CFAP100: variants seen among roughly 807,000 people sequenced by gnomAD.
CFAP100 encodes cilia- and flagella-associated protein 100.
A neutral mutation model predicts 81.5 loss-of-function variants in CFAP100; 70 were observed. That is an observed-to-expected ratio of 0.86 (90% CI 0.71 to 1.05). The LOEUF (loss-of-function observed/expected upper bound fraction) is 1.05. Among genes scored for constraint, CFAP100 ranks in the 50% least tolerant of loss-of-function variants. The pLI, the probability that CFAP100 is intolerant of heterozygous loss-of-function variation, is 0.00. For missense variants in CFAP100, 811 were observed against 776.5 expected (o/e 1.04, Z -0.53); for synonymous variants, 341 against 314.8 (o/e 1.08, Z -0.88).
chr3:126,398,299 A>G (rs2082919913), intron 2 of CFAP100, among the ~76,000 whole-genome samples: 1 of 152,206 alleles, frequency 6.6e-6, no homozygotes, highest in South Asian at 2.1e-4. Context: ...TGGACTTGTC[A>G]GGAGAGGGCC....
At chr3:126,430,009 T>C (rs532484438) in intron 13 of CFAP100, among the ~76,000 whole-genome samples, 2 of 152,362 alleles carry the variant, frequency 1.3e-5, no homozygotes, top group East Asian at 3.9e-4. Context: ...TCTGCAAGAT[T>C]TCTGGTGAGA....
At chr3:126,400,238 A>G (rs1370639041) in intron 2 of CFAP100, among the ~76,000 whole-genome samples, 1 of 152,192 alleles carries the variant, frequency 6.6e-6, no homozygotes, top group African/African-American at 2.4e-5. Flanking sequence ...TTCTCAAAAG[A>G]CGATATGCAA....
In CFAP100 at chr3:126,418,599, G is replaced by C. The variant is rs1239638962; in HGVS notation, c.487-12G>C. The C allele has an allele frequency of 6.2e-7, 1 of 1,610,744 alleles. No individual in the cohort carries two copies. Among genetic ancestry groups the C allele is most frequent in the Non-Finnish European group, 8.5e-7 (1 of 1,178,384 alleles). The stretch of plus-strand genomic sequence containing the variant: ...GGGCCAGGCACCATGACCCCACTCT[G>C]CTGGCCCCCAGTATGCCCTGGATGT... On this transcript the variant is annotated splice_polypyrimidine_tract_variant and intron_variant, in intron 6 of 16. Transcript: ENST00000352312.
At chr3:126,423,074 G>C (rs2083357579) in intron 11 of CFAP100, among the ~76,000 whole-genome samples, 1 of 152,212 alleles carries the variant, frequency 6.6e-6, no homozygotes, top group Non-Finnish European at 1.5e-5. Flanking sequence ...GACAGGTCTG[G>C]AACATGGTTT....
At chr3:126,400,150 A>G (rs1344695009) in intron 2 of CFAP100, among the ~76,000 whole-genome samples, 2 of 152,226 alleles carry the variant, frequency 1.3e-5, no homozygotes, top group African/African-American at 4.8e-5. Context: ...GAATATAGAA[A>G]GAAATCCTAA....
At chr3:126,422,928 G>A (rs1375533515) in intron 11 of CFAP100, among the ~76,000 whole-genome samples, 4 of 152,126 alleles carry the variant, frequency 2.6e-5, no homozygotes, top group African/African-American at 9.7e-5. Context: ...GGGCAGAGGG[G>A]CTGGGGAAGG....
At chr3:126,403,946 T>C (rs1417747648) in intron 2 of CFAP100, among the ~76,000 whole-genome samples, 1 of 152,202 alleles carries the variant, frequency 6.6e-6, no homozygotes, top group Non-Finnish European at 1.5e-5. Flanking sequence ...GGAAAATGAA[T>C]GATAAAGTCA....
intron 4 of CFAP100, chr3:126,414,437 G>T (rs2083202909): frequency 1.6e-6 from 1 of 621,850 alleles, no homozygotes; most frequent in South Asian, 1.9e-5. Flanking sequence ...GGCTGCTGTG[G>T]CAACAGCCTC....
At chr3:126,409,728 G>A (rs534751578) in intron 3 of CFAP100, among the ~76,000 whole-genome samples, 4 of 152,324 alleles carry the variant, frequency 2.6e-5, no homozygotes, top group African/African-American at 7.2e-5. Context: ...ATGATTCTGT[G>A]TTGGGACGTA....
chr3:126,432,928 A>G, intron 13 of CFAP100, 141 bp from the exon 14 acceptor site: 1 of 752,848 alleles, frequency 1.3e-6, no homozygotes, highest in Non-Finnish European at 2.0e-6. Context: ...CCCCCTGGGC[A>G]TGCAGAGACT....
At chr3:126,424,469 G>A (rs1179262116) in intron 13 of CFAP100, among the ~76,000 whole-genome samples, 3 of 152,256 alleles carry the variant, frequency 2.0e-5, no homozygotes, top group Admixed American at 2.0e-4. Context: ...GGCTATTATG[G>A]TCCCTCCTGC....
At chr3:126,401,056 C>A (rs994274645) in intron 2 of CFAP100, among the ~76,000 whole-genome samples, 4 of 152,066 alleles carry the variant, frequency 2.6e-5, no homozygotes, top group African/African-American at 9.7e-5. Context: ...AGCTGGGAAA[C>A]CTTATGCTGG....
intron 3 of CFAP100, among the ~76,000 whole-genome samples, chr3:126,407,487 AAC>A (rs1193635440): frequency 6.6e-6 from 1 of 152,212 alleles, no homozygotes; most frequent in East Asian, 1.9e-4. Context: ...AGGCTCCACT[AAC>A]AGCAGTTCCA....
intron 11 of CFAP100, 119 bp downstream of exon 11, chr3:126,420,348 T>TA: frequency 7.2e-7 from 1 of 1,397,892 alleles, no homozygotes; most frequent in Non-Finnish European, 9.6e-7. Context: ...TCACAGTCCC[T>TA]ACTCCAAGAA....
Position 126,420,125 on chromosome 3 carries a change from C to CT in CFAP100, c.979dup (p.Trp327LeufsTer130), listed in dbSNP as rs757972509. On this transcript the variant is annotated frameshift_variant, in exon 11 of 17. Transcript: ENST00000352312. LOFTEE classifies it high-confidence loss of function. ...CAGAGGGTCAGGGTACAAAGAAGCCCTGGAGGTTTCTGCAGACGATGCGGC... is the reference window on the plus strand; with the variant it reads ...CAGAGGGTCAGGGTACAAAGAAGCCCTTGGAGGTTTCTGCAGACGATGCGGC... The CT allele has an allele frequency of 1.1e-5, 18 of 1,613,344 alleles. No individual in the cohort carries two copies. In the East Asian group the frequency reaches 4.0e-4, roughly 36 times the overall value.
intron 14 of CFAP100, chr3:126,433,605 C>T (rs1933331211): frequency 4.9e-6 from 1 of 205,588 alleles, no homozygotes; most frequent in East Asian, 1.4e-4. Flanking sequence ...TCAGCCCGCT[C>T]CCAACCTGAC....
chr3:126,398,062 C>T (rs902268785), intron 2 of CFAP100, among the ~76,000 whole-genome samples: 4 of 152,152 alleles, frequency 2.6e-5, no homozygotes, highest in East Asian at 1.9e-4. Context: ...GCCCAGATGA[C>T]GGGAAGGATT....
Position 126,436,459 on chromosome 3 carries a change from G to A in CFAP100, c.*55G>A, listed in dbSNP as rs568648166. The stretch of plus-strand genomic sequence containing the variant: ...AGGCTTAGCAAAGATGTTGGCAGAG[G>A]AAGCAGAGACTGGGCTGGGTCTCGA... On this transcript the variant is annotated 3_prime_UTR_variant, in exon 17 of 17. Transcript: ENST00000352312. 8 of 1,421,932 alleles carry A rather than the reference G, an allele frequency of 5.6e-6. No individual in the cohort carries two copies. The East Asian group carries it at 1.2e-4, about 21-fold the overall frequency. The allele number at this position is 1,421,932 out of a possible 1,614,324, so 88.1% of individuals were successfully genotyped here. A position where few individuals can be genotyped will look rare whatever the true frequency, so the allele number is the denominator to read the frequency against.
intron 13 of CFAP100, among the ~76,000 whole-genome samples, chr3:126,430,798 C>A (rs1933187992): frequency 6.6e-6 from 1 of 151,478 alleles, no homozygotes; most frequent in Non-Finnish European, 1.5e-5. Flanking sequence ...TCTTTGTTGA[C>A]CTTATATTGT....
Sources: gnomAD v4.1 joint callset for allele counts (sites outside exome capture counted in the v4.1 genomes callset) on GRCh38, gnomAD v4.1.1 for gene constraint, MANE v1.5 for transcripts, NCBI Gene and HGNC (gene_info 2026-07-23, HGNC 2026-07-21) for gene names.